The following TNIK variants were observed in gnomAD, a reference collection of about 807,000 sequenced individuals.
TNIK encodes the protein TRAF2 and NCK interacting kinase, also known as TRAF2 and NCK-interacting protein kinase.
In TNIK, 49 loss-of-function variants were observed where a neutral mutation model predicts 191.3. The observed-to-expected ratio is 0.26, with a 90% CI of 0.20 to 0.32. The LOEUF (loss-of-function observed/expected upper bound fraction) is 0.32. TNIK is among the 10% of genes least tolerant of loss of function. The pLI is 1.00. For synonymous variants in TNIK, 594 were observed against 600.9 expected, an observed-to-expected ratio of 0.99 and a Z score of 0.17; for missense variants, 1,155 against 1,702.3, an observed-to-expected ratio of 0.68 and a Z score of 5.66.
At chr3:171,256,351 A>G (rs1342939564) in intron 2 of TNIK, among the ~76,000 whole-genome samples, 1 of 152,224 alleles carries the variant, frequency 6.6e-6, no homozygotes, top group African/African-American at 2.4e-5. Context: ...GAGAATCGAT[A>G]AAGAGGTTAA....
intron 12 of TNIK, among the ~76,000 whole-genome samples, chr3:171,154,259 CAAAAA>C (rs33932410): frequency 2.0e-4 from 27 of 137,618 alleles, no homozygotes; most frequent in African/African-American, 4.6e-4. Context: ...GATATCTCTT[CAAAAA>C]AAAAAAAAAA....
At chr3:171,367,509 G>T (rs1001511273) in intron 2 of TNIK, among the ~76,000 whole-genome samples, 1 of 150,874 alleles carries the variant, frequency 6.6e-6, no homozygotes, top group Non-Finnish European at 1.5e-5. Context: ...CCACTCTCTC[G>T]CCCAGACTGG....
Position 171,101,442 on chromosome 3 carries a change from C to T in TNIK, c.2591+7G>A. 1 of 1,592,692 alleles carries T rather than the reference C, an allele frequency of 6.3e-7. No homozygotes were observed. Among genetic ancestry groups the T allele is most frequent in the Middle Eastern group, 1.7e-4 (1 of 5,974 alleles). On this transcript the variant is annotated splice_region_variant and intron_variant, in intron 22 of 32. Coordinates refer to ENST00000436636, the MANE Select transcript of TNIK (RefSeq NM_015028.4). ...CCCGGTCTACACTTTAAAAGTAGTT[C>T]TCTTACATCAGTCTGGGTATGTCGC...
Position 171,460,118 on chromosome 3 carries a change from G to T in TNIK, c.-55C>A. On this transcript the variant is annotated 5_prime_UTR_variant, in exon 1 of 33. Coordinates refer to ENST00000436636, the MANE Select transcript of TNIK (RefSeq NM_015028.4). The surrounding 1 kb of genome is among the most constrained non-coding windows in gnomAD (Gnocchi z 6.8). The stretch of plus-strand genomic sequence containing the variant: ...AAACCACCCCGAAGCTTTTCCCTTG[G>T]AAATTCCACCTTGGTCTATTTCACT... 6.4e-7 allele frequency: 1 copy of T among 1,564,612 alleles called. No individual in the cohort carries two copies. The highest frequency in any genetic ancestry group is 8.7e-7 in the Non-Finnish European group (1 of 1,153,932).
chr3:171,152,686 C>T (rs769832184), intron 12 of TNIK, among the ~76,000 whole-genome samples: 4 of 152,102 alleles, frequency 2.6e-5, no homozygotes, highest in Non-Finnish European at 4.4e-5. Context: ...ACTCCCTGGG[C>T]AGGTTGCTTC....
At chr3:171,164,863 C>T (rs1734415315) in intron 10 of TNIK, among the ~76,000 whole-genome samples, 1 of 152,218 alleles carries the variant, frequency 6.6e-6, no homozygotes, top group South Asian at 2.1e-4. Context: ...GGGCTGGCCT[C>T]CCAGCTCCTT....
rs562277251 is a variant in TNIK, at chr3:171,365,892, C to T, written c.123+3728G>A. 2.0e-5 allele frequency among the ~76,000 whole-genome samples: 3 copies of T among 152,184 alleles called. No individual in the cohort carries two copies. The South Asian group carries it at 6.2e-4, about 32-fold the overall frequency. On this transcript the variant is annotated intron_variant, in intron 2 of 32. Coordinates refer to ENST00000436636, the MANE Select transcript of TNIK (RefSeq NM_015028.4). ...TCATATTCCTAATTCACATTATCACCCTGGGATAAAATATGTCTTCATTTC... is the reference window on the plus strand; with the variant it reads ...TCATATTCCTAATTCACATTATCACTCTGGGATAAAATATGTCTTCATTTC...
At chr3:171,178,249 T>C (rs1165239772) in intron 7 of TNIK, among the ~76,000 whole-genome samples, 3 of 152,170 alleles carry the variant, frequency 2.0e-5, no homozygotes, top group Non-Finnish European at 4.4e-5. Flanking sequence ...TTCAATTGGT[T>C]TAACTAGAAA....
intron 18 of TNIK, among the ~76,000 whole-genome samples, chr3:171,121,873 G>C (rs1727796749): frequency 6.6e-6 from 1 of 152,092 alleles, no homozygotes; most frequent in Non-Finnish European, 1.5e-5. Context: ...GCAGAGAAGA[G>C]GCTTCTTCAC....
chr3:171,235,530 A>G (rs761055613), intron 2 of TNIK, among the ~76,000 whole-genome samples: 1 of 152,144 alleles, frequency 6.6e-6, no homozygotes, highest in Non-Finnish European at 1.5e-5. Flanking sequence ...GGCTATAAAC[A>G]TCATTCAAAA....
chr3:171,220,732 A>T (rs1742202215), intron 3 of TNIK, among the ~76,000 whole-genome samples: 1 of 152,202 alleles, frequency 6.6e-6, no homozygotes, highest in South Asian at 2.1e-4. Context: ...GGAATTAATT[A>T]TAATTTTGAT....
intron 1 of TNIK, among the ~76,000 whole-genome samples, chr3:171,370,519 C>G (rs1716343111): frequency 1.3e-5 from 2 of 152,144 alleles, no homozygotes; most frequent in Non-Finnish European, 2.9e-5. Context: ...GACTTTCACC[C>G]CTTACTGATT....
At chr3:171,332,195 C>G (rs1756478844) in intron 2 of TNIK, among the ~76,000 whole-genome samples, 1 of 152,128 alleles carries the variant, frequency 6.6e-6, no homozygotes, top group Non-Finnish European at 1.5e-5. Context: ...TTTCCCCTAC[C>G]ATTAAAAATT....
chr3:171,236,377 G>A (rs962586706), intron 2 of TNIK, among the ~76,000 whole-genome samples: 3 of 152,190 alleles, frequency 2.0e-5, no homozygotes. Context: ...GATCTGATGT[G>A]AGTGTTTTGC....
intron 2 of TNIK, among the ~76,000 whole-genome samples, chr3:171,326,521 A>C (rs1755766399): frequency 1.3e-5 from 2 of 152,226 alleles, no homozygotes; most frequent in South Asian, 4.1e-4. Flanking sequence ...GATAATCAGC[A>C]GGTAAAATCT....
chr3:171,123,514 A>T, intron 18 of TNIK, 82 bp downstream of exon 18: 1 of 1,193,226 alleles, frequency 8.4e-7, no homozygotes, highest in African/African-American at 1.6e-5. Flanking sequence ...GAGAAAAAAG[A>T]ACACAGGCAT....
At chr3:171,333,805 C>T (rs1037875402) in intron 2 of TNIK, among the ~76,000 whole-genome samples, 5 of 152,184 alleles carry the variant, frequency 3.3e-5, no homozygotes, top group African/African-American at 1.2e-4. Context: ...TCCCTTTCCC[C>T]ATCGTGCTCA....
intron 2 of TNIK, among the ~76,000 whole-genome samples, chr3:171,308,635 A>G (rs150692433): frequency 7.9e-5 from 12 of 152,186 alleles, no homozygotes; most frequent in Admixed American, 7.9e-4. Context: ...ATGGAATGGG[A>G]CAAAATATTT....
chr3:171,118,824 A>C (rs1727189070), intron 18 of TNIK, among the ~76,000 whole-genome samples: 1 of 152,192 alleles, frequency 6.6e-6, no homozygotes, highest in Non-Finnish European at 1.5e-5. Flanking sequence ...TAGACCTAAA[A>C]CCATAAAAAC....
Sources: gnomAD v4.1 joint callset for allele counts (sites outside exome capture counted in the v4.1 genomes callset) on GRCh38, gnomAD v4.1.1 for gene constraint, Gnocchi (gnomAD v3.1) non-coding constraint, MANE v1.5 for transcripts, NCBI Gene and HGNC (gene_info 2026-07-23, HGNC 2026-07-21) for gene names.